PIK3R4: variants seen among roughly 807,000 people sequenced by gnomAD.
PIK3R4 encodes phosphoinositide-3-kinase regulatory subunit 4.
In PIK3R4, 46 loss-of-function variants were observed where a neutral mutation model predicts 136.5. The observed-to-expected ratio is 0.34, with a 90% confidence interval of 0.27 to 0.43. The LOEUF is 0.43. Among genes scored for constraint, PIK3R4 ranks in the 20% least tolerant of loss-of-function variants. The pLI is 1.00. For synonymous variants in PIK3R4, 557 were observed against 566.7 expected (o/e 0.98, Z 0.24); for missense variants, 1,331 against 1,649.5 (o/e 0.81, Z 3.35).
chr3:130,718,439 A>G lies in PIK3R4; in HGVS notation c.2077T>C (p.Cys693Arg). The stretch of plus-strand genomic sequence containing the variant: ...GGGTCAAGATAAGGCATCAGTTTAC[A>G]GTAGACATCAGCTGTACTTATTTGA... The part of the protein sequence containing the change: ...ARQISTADVY[C>R]KLMPYLDPYI... The change falls in exon 8 of 20, where the codon TGT becomes CGT. Residue 693 changes from cysteine (C) to arginine (R), a missense_variant. Physicochemically the swap from Cys to Arg is radical, Grantham distance 180 (BLOSUM62 -3). Transcript: ENST00000356763. 6.2e-7 allele frequency: 1 copy of G among 1,613,660 alleles called. No homozygotes were observed. Among genetic ancestry groups the G allele is most frequent in the South Asian group, 1.1e-5 (1 of 91,066 alleles).
At chr3:130,716,967 T>C (rs187705529) in intron 8 of PIK3R4, among the ~76,000 whole-genome samples, 1 of 152,224 alleles carries the variant, frequency 6.6e-6, no homozygotes, top group East Asian at 1.9e-4. Flanking sequence ...CCAGAAAAGA[T>C]GCTCAACAGC....
At position 130,744,760 on chromosome 3, in the gene PIK3R4, A is replaced by G; in HGVS notation, c.459T>C (p.Asn153=). The part of the protein sequence containing the change: ...GVRHGDIKTE[N]VMVTSWNWVL... ...CCCAATTCCAACTGGTGACCATCAC[A>G]TTCTCAGTCTTGATGTCCCCATGAC... The change falls in exon 2 of 20, where the codon AAT becomes AAC. Residue 153 remains asparagine (N), a synonymous_variant. Coordinates refer to ENST00000356763, the MANE Select transcript of PIK3R4 (RefSeq NM_014602.3). 6.2e-7 allele frequency: 1 copy of G among 1,614,266 alleles called. No individual in the cohort carries two copies. The highest frequency in any genetic ancestry group is 8.5e-7 in the Non-Finnish European group (1 of 1,180,044).
chr3:130,718,308 G>A, intron 8 of PIK3R4, 81 bp downstream of exon 8: 1 of 1,220,366 alleles, frequency 8.2e-7, no homozygotes. Context: ...AAAATGTTAA[G>A]AAAAATAGGA....
At chr3:130,738,854 TA>T (rs926338379) in intron 2 of PIK3R4, among the ~76,000 whole-genome samples, 1 of 151,990 alleles carries the variant, frequency 6.6e-6, no homozygotes, top group Non-Finnish European at 1.5e-5. Flanking sequence ...ATACCAATAA[TA>T]AATAAATAAA....
chr3:130,713,617 G>A (rs1046365649), intron 9 of PIK3R4, among the ~76,000 whole-genome samples: 1 of 152,162 alleles, frequency 6.6e-6, no homozygotes, highest in African/African-American at 2.4e-5. Flanking sequence ...AGGGGCTAGG[G>A]TGGCCCCATG....
At chr3:130,730,203 TG>T in intron 5 of PIK3R4, 104 bp downstream of exon 5, 2 of 848,240 alleles carry the variant, frequency 2.4e-6, no homozygotes, top group South Asian at 1.6e-5. Context: ...TATATAGATC[TG>T]GTATTCCTTC....
chr3:130,730,121 T>C (rs1358972751), intron 5 of PIK3R4, among the ~76,000 whole-genome samples, 187 bp downstream of exon 5: 12 of 152,202 alleles, frequency 7.9e-5, no homozygotes, highest in Admixed American at 7.8e-4. Context: ...GACAAGCTGA[T>C]TATTTTTGAG....
intron 6 of PIK3R4, among the ~76,000 whole-genome samples, chr3:130,726,256 ATT>A (rs2107616738): frequency 6.6e-6 from 1 of 152,262 alleles, no homozygotes; most frequent in African/African-American, 2.4e-5. Flanking sequence ...TTTCAAATAA[ATT>A]TTTAATGATA....
rs1011341324 is a variant in PIK3R4 at position 130,746,773 on chromosome 3, C to T, written c.-502G>A. 6.6e-6 allele frequency: 1 copy of T among 152,308 alleles called. No homozygotes were observed. The highest frequency in any genetic ancestry group is 1.5e-5 in the Non-Finnish European group (1 of 68,128). 9.4% of individuals were successfully genotyped at this position (152,308 alleles called of 1,614,324 possible). A position where few individuals can be genotyped will look rare whatever the true frequency, so the allele number is the denominator to read the frequency against. On this transcript the variant is annotated 5_prime_UTR_variant, in exon 1 of 20. Transcript: ENST00000356763. ...CCAGTCCCAAGAAAACACTACACTT[C>T]AGCTGCTGCAGCCCCAGCAAACGCC...
chr3:130,728,701 A>AG lies in PIK3R4; in HGVS notation c.1586-18_1586-17insC. 1.0e-5 allele frequency: 14 copies of AG among 1,387,624 alleles called. No homozygotes were observed. Among genetic ancestry groups the AG allele is most frequent in the Non-Finnish European group, 1.4e-5 (14 of 1,019,908 alleles). 86.0% of individuals were successfully genotyped at this position (1,387,624 alleles called of 1,614,324 possible). A position where few individuals can be genotyped will look rare whatever the true frequency, so the allele number is the denominator to read the frequency against. ...CTTGGAGCTCTAAAAAAAAAAAAAA[A>AG]AGAAAGAAAGAAAGAAAGAAAAGAA... is the stretch of plus-strand genomic sequence containing the variant. On this transcript the variant is annotated splice_polypyrimidine_tract_variant and intron_variant, in intron 5 of 19. Transcript: ENST00000356763.
chr3:130,723,792 T>G (rs1248568817), intron 6 of PIK3R4: 1 of 447,030 alleles, frequency 2.2e-6, no homozygotes, highest in Non-Finnish European at 3.9e-6. Context: ...ACAGAAAAGC[T>G]AAGATCCTAA....
chr3:130,705,678 T>C lies in PIK3R4; in HGVS notation c.2815A>G (p.Thr939Ala), dbSNP rs760932000. The C allele has an allele frequency of 9.9e-6, 16 of 1,612,748 alleles. No individual in the cohort carries two copies. The highest frequency in any genetic ancestry group is 1.2e-5 in the Non-Finnish European group (14 of 1,178,746). Reference sequence around the variant, plus strand: ...AGTTGCTGAAGTTCAGTTTTACAAGTTGTAATTCGAATCTGATAGGTGGAT... The same window carrying C: ...AGTTGCTGAAGTTCAGTTTTACAAGCTGTAATTCGAATCTGATAGGTGGAT... ...LPSTYQIRIT[T>A]CKTELQQLIQ... Residue 939 changes from threonine to alanine, a missense_variant, in exon 12 of 20, where the codon ACT (threonine) becomes GCT (alanine). By Grantham distance (58) the Thr-to-Ala change is moderately conservative. Around this residue, in one of 2 missense-constraint regions of PIK3R4, gnomAD observed 1,180 missense variants for 1,407.0 expected, o/e 0.84. Coordinates refer to ENST00000356763, the MANE Select transcript of PIK3R4 (RefSeq NM_014602.3).
In PIK3R4 at chr3:130,703,845, A is replaced by C. The variant is rs1259299977; in HGVS notation, c.2976T>G (p.His992Gln). Residue 992 changes from histidine to glutamine, a missense_variant, in exon 13 of 20, where the codon CAT (histidine) becomes CAG (glutamine). By Grantham distance (24) the His-to-Gln change is conservative (BLOSUM62 0). Coordinates refer to ENST00000356763, the MANE Select transcript of PIK3R4 (RefSeq NM_014602.3). ...KGLLVAHLHE[H>Q]KSAVNRIRVS... The stretch of plus-strand genomic sequence containing the variant: ...CTCTAATTCGATTCACAGCAGATTT[A>C]TGCTCATGAAGATGGGCAACTAACA... 6.2e-7 allele frequency: 1 copy of C among 1,612,872 alleles called. No individual in the cohort carries two copies. The highest frequency in any genetic ancestry group is 8.5e-7 in the Non-Finnish European group (1 of 1,179,066).
intron 14 of PIK3R4, 65 bp downstream of exon 14, chr3:130,690,424 GA>G: frequency 2.8e-6 from 3 of 1,074,866 alleles, no homozygotes; most frequent in Non-Finnish European, 2.6e-6. Context: ...TTGCAGGGTA[GA>G]AAGGAGACTT....
At position 130,744,913 on chromosome 3, in the gene PIK3R4, A is replaced by G. The variant is rs1037079393; in HGVS notation, c.306T>C (p.Phe102=). The G allele has an allele frequency of 3.1e-6, 5 of 1,614,246 alleles. No individual in the cohort carries two copies. The highest frequency in any genetic ancestry group is 4.2e-6 in the Non-Finnish European group (5 of 1,180,042). The change falls in exon 2 of 20, where the codon TTT becomes TTC. Residue 102 remains phenylalanine (F), a synonymous_variant. Coordinates refer to ENST00000356763, the MANE Select transcript of PIK3R4 (RefSeq NM_014602.3). ...EKASEKAAML[F]RQYVRDNLYD... Reference sequence around the variant, plus strand: ...AGAGATTGTCTCGCACATACTGCCTAAAGAGCATAGCTGCTTTCTCAGATG... The same window carrying G: ...AGAGATTGTCTCGCACATACTGCCTGAAGAGCATAGCTGCTTTCTCAGATG...
chr3:130,685,877 G>C (rs1157587147), intron 15 of PIK3R4, among the ~76,000 whole-genome samples: 4 of 152,142 alleles, frequency 2.6e-5, no homozygotes, highest in Admixed American at 2.6e-4. Flanking sequence ...GCCCAAACTT[G>C]GATGCTATTT....
At position 130,733,670 on chromosome 3, in the gene PIK3R4, TTGGTCAACG is replaced by T; in HGVS notation, c.1319_1327del (p.Thr440_Thr442del). 6.2e-7 allele frequency: 1 copy of T among 1,614,082 alleles called. No individual in the cohort carries two copies. Among genetic ancestry groups the T allele is most frequent in the Non-Finnish European group, 8.5e-7 (1 of 1,179,934 alleles). ...AACCTCTTTGACGAGAGCAAGAACT[TTGGTCAACG>T]TCCTCAAGGCTTCAGCCCTCACCCT... is the stretch of plus-strand genomic sequence containing the variant. On this transcript the variant is annotated inframe_deletion, in exon 4 of 20. Transcript: ENST00000356763.
chr3:130,722,490 A>G (rs895064873), intron 7 of PIK3R4, among the ~76,000 whole-genome samples: 1 of 152,232 alleles, frequency 6.6e-6, no homozygotes, highest in Non-Finnish European at 1.5e-5. Flanking sequence ...TCTGTTTTGT[A>G]GATAAATAAA....
At chr3:130,699,172 C>T (rs964469587) in intron 13 of PIK3R4, among the ~76,000 whole-genome samples, 8 of 152,208 alleles carry the variant, frequency 5.3e-5, no homozygotes, top group African/African-American at 1.7e-4. Flanking sequence ...TCTCATTACC[C>T]AGTTCTTCCT....
Sources: gnomAD v4.1 joint callset for allele counts (sites outside exome capture counted in the v4.1 genomes callset) on GRCh38, gnomAD v4.1.1 for gene constraint, gnomAD v4.1.1 regional missense constraint, MANE v1.5 for transcripts, NCBI Gene and HGNC (gene_info 2026-07-23, HGNC 2026-07-21) for gene names.